SLC9A7: variants seen among roughly 807,000 people sequenced by gnomAD.
SLC9A7 encodes the protein sodium/hydrogen exchanger 7.
SLC9A7 carries 19 observed loss-of-function variants against 52.6 expected under a neutral mutation model. The ratio of observed to expected loss-of-function variants is 0.36; its 90% CI spans 0.25 to 0.53. The LOEUF (loss-of-function observed/expected upper bound fraction) is 0.53, where lower values mean the gene tolerates loss of function less well. Ranked by LOEUF, SLC9A7 falls within the 20% of genes least tolerant of loss-of-function variation. The pLI is 0.91. For missense variants in SLC9A7, 455 were observed against 597.9 expected, an observed-to-expected ratio of 0.76 and a Z score of 2.49; for synonymous variants, 226 against 252.1, an observed-to-expected ratio of 0.90 and a Z score of 0.98.
At chrX:46,677,871 A>T (rs191797148) in intron 3 of SLC9A7, among the ~76,000 whole-genome samples, 1 of 112,050 alleles carries the variant, frequency 8.9e-6, no homozygotes, top group Non-Finnish European at 1.9e-5. Context: ...TTATAAACTC[A>T]ATTTCTTTAA....
chrX:46,729,250 T>C (rs1311985897), intron 1 of SLC9A7, among the ~76,000 whole-genome samples: 2 of 112,386 alleles, frequency 1.8e-5, no homozygotes, highest in African/African-American at 6.5e-5. Flanking sequence ...AAAAACAATA[T>C]ATTTGGTTAA....
chrX:46,630,617 C>T (rs1289022060), intron 14 of SLC9A7, among the ~76,000 whole-genome samples: 1 of 111,810 alleles, frequency 8.9e-6, no homozygotes, highest in African/African-American at 3.3e-5. Context: ...TCATGCTGAC[C>T]TGGATAAAGA....
intron 1 of SLC9A7, among the ~76,000 whole-genome samples, chrX:46,687,904 T>C (rs1314620496): frequency 8.9e-6 from 1 of 112,207 alleles, no homozygotes; most frequent in Non-Finnish European, 1.9e-5. Context: ...TTGCCGTTTC[T>C]GGACTTTTAA....
intron 14 of SLC9A7, among the ~76,000 whole-genome samples, chrX:46,629,880 G>A (rs932833351): frequency 9.0e-5 from 10 of 111,676 alleles, no homozygotes; most frequent in African/African-American, 2.9e-4. Flanking sequence ...CTCAGTTCCT[G>A]AACTCCTGTT....
At chrX:46,701,368 A>G (rs1944528880) in intron 1 of SLC9A7, among the ~76,000 whole-genome samples, 1 of 111,292 alleles carries the variant, frequency 9.0e-6, no homozygotes, top group African/African-American at 3.3e-5. Flanking sequence ...CGGGTGGATC[A>G]CGAGGTCAGG....
Position 46,682,360 on chromosome X carries a change from T to C in SLC9A7, c.501A>G (p.Val167=), listed in dbSNP as rs1602224568. 3.3e-6 allele frequency: 4 copies of C among 1,210,222 alleles called. No homozygotes were observed. Among genetic ancestry groups the C allele is most frequent in the Admixed American group, 2.2e-5 (1 of 45,828 alleles). The change falls in exon 2 of 17, where the codon GTA becomes GTG. Residue 167 remains valine (V), a synonymous_variant. Coordinates refer to ENST00000616978, the MANE Select transcript of SLC9A7 (RefSeq NM_001257291.2). Reference sequence around the variant, plus strand: ...CCTTCCGTAGCATATCATTCTGCTCTACGCTGTTGATCTTGCCAGGACTGA... The same window carrying C: ...CCTTCCGTAGCATATCATTCTGCTCCACGCTGTTGATCTTGCCAGGACTGA... ...GEISPGKINS[V]EQNDMLRKVT... is the part of the protein sequence containing the mutation.
intron 7 of SLC9A7, among the ~76,000 whole-genome samples, chrX:46,655,372 G>A (rs1379472730): frequency 8.9e-6 from 1 of 112,157 alleles, no homozygotes; most frequent in Admixed American, 9.4e-5. Context: ...GAAGAGCCAA[G>A]ATGGCCGTAT....
intron 15 of SLC9A7, among the ~76,000 whole-genome samples, chrX:46,618,552 CTT>C (rs921763027): frequency 8.9e-6 from 1 of 111,768 alleles, no homozygotes; most frequent in African/African-American, 3.3e-5. Flanking sequence ...GGCTTCATGA[CTT>C]TGGGGTAGGC....
In SLC9A7 at chrX:46,648,723, C is replaced by G; in HGVS notation, c.1425G>C (p.Lys475Asn). The part of the protein sequence containing the change: ...SFFLNLGRRH[K>N]IGWNFQHMMM... Reference sequence around the variant, plus strand: ...TCATGTGTTGAAAATTCCAGCCAATCTTATGCCTTCTGCCCAAGTTGAGGA... The same window carrying G: ...TCATGTGTTGAAAATTCCAGCCAATGTTATGCCTTCTGCCCAAGTTGAGGA... Residue 475 changes from lysine to asparagine, a missense_variant, in exon 11 of 17, where the codon AAG (lysine) becomes AAC (asparagine). Around this residue, in one of 3 missense-constraint regions of SLC9A7, gnomAD observed 304 missense variants for 417.8 expected, o/e 0.73. Coordinates refer to ENST00000616978, the MANE Select transcript of SLC9A7 (RefSeq NM_001257291.2). The G allele has an allele frequency of 8.3e-7, 1 of 1,211,234 alleles. No homozygotes were observed. Among genetic ancestry groups the G allele is most frequent in the Non-Finnish European group, 1.1e-6 (1 of 895,170 alleles).
chrX:46,650,408 C>T (rs1943561644), intron 10 of SLC9A7, among the ~76,000 whole-genome samples: 1 of 111,461 alleles, frequency 9.0e-6, no homozygotes. Flanking sequence ...CCAGAAACTG[C>T]ATTTACAATG....
At chrX:46,615,793 A>G (rs964977799) in intron 15 of SLC9A7, among the ~76,000 whole-genome samples, 4 of 110,074 alleles carry the variant, frequency 3.6e-5, no homozygotes, top group Non-Finnish European at 7.6e-5. Context: ...ACAACTTTAG[A>G]TAATACACTT....
At chrX:46,725,544 G>C (rs753356946) in intron 1 of SLC9A7, 86 of 954,101 alleles carry the variant, frequency 9.0e-5, no homozygotes, top group Non-Finnish European at 1.2e-4. Context: ...GGTATAATTG[G>C]CTTGTTCTAT....
intron 3 of SLC9A7, among the ~76,000 whole-genome samples, chrX:46,673,757 T>C (rs775587331): frequency 3.9e-4 from 44 of 111,571 alleles, no homozygotes; most frequent in Non-Finnish European, 4.3e-4. Flanking sequence ...TCCTCTGGTC[T>C]GCATCCCAGA....
intron 1 of SLC9A7, among the ~76,000 whole-genome samples, chrX:46,705,747 G>A (rs1397310214): frequency 1.8e-5 from 2 of 112,074 alleles, no homozygotes; most frequent in East Asian, 5.6e-4. Context: ...GAGGTAGGAG[G>A]ATCACTTGAG....
chrX:46,650,341 G>T (rs1021844702), intron 10 of SLC9A7, among the ~76,000 whole-genome samples: 1 of 111,917 alleles, frequency 8.9e-6, no homozygotes, highest in Admixed American at 9.5e-5. Context: ...AAAACCCTCA[G>T]CTGTCCATCC....
chrX:46,602,021 G>C lies in SLC9A7; in HGVS notation c.*4931C>G, dbSNP rs1942666888. On this transcript the variant is annotated 3_prime_UTR_variant, in exon 17 of 17. Coordinates refer to ENST00000616978, the MANE Select transcript of SLC9A7 (RefSeq NM_001257291.2). Reference sequence around the variant, plus strand: ...AAGGAAAAGAAAATCTGACTCCAGAGGGGACTATTAATTTAATTCCAGGTG... The same window carrying C: ...AAGGAAAAGAAAATCTGACTCCAGACGGGACTATTAATTTAATTCCAGGTG... The C allele has an allele frequency of 9.3e-6, 1 of 107,273 alleles. No individual in the cohort carries two copies. The highest frequency in any genetic ancestry group is 3.4e-5 in the African/African-American group (1 of 29,795). 8.8% of individuals were successfully genotyped at this position (107,273 alleles called of 1,213,427 possible). A position where few individuals can be genotyped will look rare whatever the true frequency, so the allele number is the denominator to read the frequency against.
At chrX:46,740,653 A>C (rs927157960) in intron 1 of SLC9A7, among the ~76,000 whole-genome samples, 7 of 111,234 alleles carry the variant, frequency 6.3e-5, no homozygotes, top group Admixed American at 9.6e-5. Context: ...AGGCAACCCC[A>C]CTTACAATAG....
At chrX:46,724,467 T>C (rs1309886377) in intron 1 of SLC9A7, among the ~76,000 whole-genome samples, 2 of 111,774 alleles carry the variant, frequency 1.8e-5, no homozygotes, top group African/African-American at 3.3e-5. Context: ...GCAGTAGAGG[T>C]TTTAAGCTGA....
intron 14 of SLC9A7, among the ~76,000 whole-genome samples, chrX:46,626,061 C>T (rs181003283): frequency 2.5e-4 from 28 of 111,924 alleles, no homozygotes; most frequent in African/African-American, 8.8e-4. Context: ...AATCCCAGCA[C>T]TTTGGGAGGC....
Sources: allele counts gnomAD v4.1 joint callset (sites outside exome capture counted in the v4.1 genomes callset), GRCh38; gene constraint gnomAD v4.1.1; regional missense constraint gnomAD v4.1.1; transcripts MANE v1.5; gene names NCBI Gene and HGNC (gene_info 2026-07-23, HGNC 2026-07-21).